KIF26B: variants seen among roughly 807,000 people sequenced by gnomAD.
KIF26B encodes kinesin family member 26B, also known as kinesin-like protein KIF26B.
In KIF26B, 63 loss-of-function variants were observed where a neutral mutation model predicts 151.2. That is an observed-to-expected ratio of 0.42 (90% CI 0.34 to 0.51). KIF26B has a LOEUF of 0.51. Ranked by LOEUF, KIF26B falls within the 20% of genes least tolerant of loss-of-function variation. The pLI, the probability that KIF26B is intolerant of heterozygous loss-of-function variation, is 0.07. For synonymous variants in KIF26B, 1,357 were observed against 1,262.1 expected (o/e 1.08, Z -1.59); for missense variants, 2,813 against 2,913.6 (o/e 0.97, Z 0.79).
chr1:245,430,801 G>C (rs1160835226), intron 4 of KIF26B, among the ~76,000 whole-genome samples: 1 of 152,096 alleles, frequency 6.6e-6, no homozygotes, highest in Admixed American at 6.5e-5. Flanking sequence ...CCATTGTTTA[G>C]ACGTGGAAAC....
rs191511982 is a variant in KIF26B, at chr1:245,247,412, C to T, written c.465+90729C>T. Among the ~76,000 whole-genome samples, 232 of 152,180 alleles carry T rather than the reference C, an allele frequency of 1.5e-3. 2 individuals are homozygous for T. Among genetic ancestry groups the T allele is most frequent in the Middle Eastern group, 3.4e-3 (1 of 294 alleles). On this transcript the variant is annotated intron_variant, in intron 2 of 14. Transcript: ENST00000407071. ...AGGGAAGGTGGCAATCAGCCGAGAT[C>T]CTGCCAATGTACCCCAGCCTGGGCG...
intron 2 of KIF26B, among the ~76,000 whole-genome samples, chr1:245,217,959 G>A (rs188673262): frequency 2.6e-5 from 4 of 152,294 alleles, no homozygotes; most frequent in East Asian, 3.9e-4. Flanking sequence ...GAATAAATGA[G>A]CTGCCTGAGA....
At chr1:245,654,147 T>C (rs572293375) in intron 10 of KIF26B, among the ~76,000 whole-genome samples, 81 of 152,320 alleles carry the variant, frequency 5.3e-4, no homozygotes, top group African/African-American at 1.8e-3. Flanking sequence ...TCTCCTGGTC[T>C]CACCTGTTTC....
intron 4 of KIF26B, among the ~76,000 whole-genome samples, chr1:245,500,289 T>TTAGCAAG (rs1660595835): frequency 6.6e-6 from 1 of 152,224 alleles, no homozygotes; most frequent in Non-Finnish European, 1.5e-5. Context: ...GTCTTTGGCT[T>TTAGCAAG]TAGCAAGTGA....
chr1:245,424,022 G>A (rs1174240247), intron 4 of KIF26B, among the ~76,000 whole-genome samples: 1 of 151,898 alleles, frequency 6.6e-6, no homozygotes, highest in African/African-American at 2.4e-5. Flanking sequence ...TTTATTTTTT[G>A]AAGAGATGAG....
At chr1:245,464,040 A>G (rs1056399323) in intron 4 of KIF26B, among the ~76,000 whole-genome samples, 1 of 152,314 alleles carries the variant, frequency 6.6e-6, no homozygotes, top group South Asian at 2.1e-4. Context: ...CTTTGCCCAC[A>G]TTTAATCATG....
intron 4 of KIF26B, among the ~76,000 whole-genome samples, chr1:245,464,575 G>T (rs1279593392): frequency 6.8e-6 from 1 of 146,166 alleles, no homozygotes; most frequent in Non-Finnish European, 1.5e-5. Context: ...GTGTGTGGGT[G>T]TGTGTGCACG....
chr1:245,262,934 C>T (rs1401864235), intron 2 of KIF26B, among the ~76,000 whole-genome samples: 3 of 152,204 alleles, frequency 2.0e-5, no homozygotes, highest in African/African-American at 7.2e-5. Context: ...ACTTCATCCC[C>T]ATTAGTTCAT....
In KIF26B at chr1:245,156,659, C is replaced by T. The variant is rs1268035438; in HGVS notation, c.441C>T (p.Leu147=). 6 of 1,503,836 alleles carry T rather than the reference C, an allele frequency of 4.0e-6. No homozygotes were observed. Among genetic ancestry groups the T allele is most frequent in the Middle Eastern group, 4.7e-4 (2 of 4,268 alleles). The allele number at this position is 1,503,836 out of a possible 1,614,324, so 93.2% of individuals were successfully genotyped here. The part of the protein sequence containing the change: ...VELKRQALRL[L]LPGPFPGKDP... ...TCAAGAGGCAGGCCCTGAGGTTGCT[C>T]CTCCCGGGGCCCTTCCCGGGCAAGG... Residue 147 remains leucine, a synonymous_variant, in exon 2 of 15, where the codon CTC becomes CTT. Transcript: ENST00000407071.
intron 2 of KIF26B, among the ~76,000 whole-genome samples, chr1:245,345,999 C>A (rs1355391793): frequency 6.8e-6 from 1 of 146,002 alleles, no homozygotes; most frequent in East Asian, 2.0e-4. Flanking sequence ...GTGGCATGAT[C>A]TCGGCTCACT....
At chr1:245,665,488 C>A (rs74868017) in intron 10 of KIF26B, among the ~76,000 whole-genome samples, 7,388 of 152,216 alleles carry the variant, frequency 0.049, 553 homozygotes, top group African/African-American at 0.16. Context: ...ACCGCACACT[C>A]TACTGATGAA....
At position 245,356,890 on chromosome 1, in the gene KIF26B, G is replaced by C. The variant is rs28635400; in HGVS notation, c.466-9944G>C. Among the ~76,000 whole-genome samples, 5 of 152,326 alleles carry C rather than the reference G, an allele frequency of 3.3e-5. No individual in the cohort carries two copies. In the East Asian group the frequency reaches 9.6e-4, roughly 29 times the overall value. On this transcript the variant is annotated intron_variant, in intron 2 of 14. Coordinates refer to ENST00000407071, the MANE Select transcript of KIF26B (RefSeq NM_018012.4). The stretch of plus-strand genomic sequence containing the variant: ...GTTTGCAGTATCACTAGATGATCCA[G>C]GAAGGCCTCGTTGAAAAGGTGATCC...
chr1:245,367,575 C>T lies in KIF26B; in HGVS notation c.999+208C>T, dbSNP rs895403066. Among the ~76,000 whole-genome samples the T allele has an allele frequency of 2.0e-5, 3 of 152,248 alleles. No homozygotes were observed. The highest frequency in any genetic ancestry group is 7.2e-5 in the African/African-American group (3 of 41,474). The stretch of plus-strand genomic sequence containing the variant: ...GTTGCTACATCTTCCAAACTTTCCA[C>T]ACCTGCCCTTTCTCTGCTCTTCAGT... On this transcript the variant is annotated intron_variant, in intron 3 of 14. Transcript: ENST00000407071. The surrounding 1 kb of genome is among the most constrained non-coding windows in gnomAD (Gnocchi z 4.2).
At chr1:245,440,996 G>A (rs1352706455) in intron 4 of KIF26B, among the ~76,000 whole-genome samples, 1 of 152,238 alleles carries the variant, frequency 6.6e-6, no homozygotes, top group Non-Finnish European at 1.5e-5. Flanking sequence ...ATGCCTGAAA[G>A]GAGGCAAGAC....
intron 2 of KIF26B, among the ~76,000 whole-genome samples, chr1:245,196,803 C>G (rs76513465): frequency 0.031 from 4,714 of 151,924 alleles, 258 homozygotes; most frequent in African/African-American, 0.11. Flanking sequence ...AAATGATTGC[C>G]GGTCACCTCA....
At position 245,516,626 on chromosome 1, in the gene KIF26B, T is replaced by TG. The variant is rs1250613248; in HGVS notation, c.1167-24136dup. Among the ~76,000 whole-genome samples the TG allele has an allele frequency of 1.3e-5, 2 of 152,010 alleles. No homozygotes were observed. The highest frequency in any genetic ancestry group is 4.8e-5 in the African/African-American group (2 of 41,376). ...AAATGAACCACCTGCTGTGTCTTGG[T>TG]GGGGGTGGAGATGTGGGGTGAAGTA... On this transcript the variant is annotated intron_variant, in intron 4 of 14. Coordinates refer to ENST00000407071, the MANE Select transcript of KIF26B (RefSeq NM_018012.4). This position sits in a 1 kb window ranked among gnomAD's most constrained non-coding sequence, Gnocchi z 4.2.
intron 4 of KIF26B, among the ~76,000 whole-genome samples, chr1:245,459,909 T>A (rs554665133): frequency 6.8e-6 from 1 of 147,974 alleles, no homozygotes; most frequent in African/African-American, 2.4e-5. Flanking sequence ...TTTTTTTTTT[T>A]CCCTGCCTGC....
chr1:245,160,829 G>A (rs1051207536), intron 2 of KIF26B, among the ~76,000 whole-genome samples: 3 of 152,102 alleles, frequency 2.0e-5, no homozygotes, highest in African/African-American at 4.8e-5. Flanking sequence ...AACGCCAAAC[G>A]TGGACTCTAA....
In KIF26B at chr1:245,366,894, G is replaced by T. The variant is rs1168133091; in HGVS notation, c.526G>T (p.Ala176Ser). 1.2e-6 allele frequency: 2 copies of T among 1,614,038 alleles called. No individual in the cohort carries two copies. The highest frequency in any genetic ancestry group is 2.2e-5 in the East Asian group (1 of 44,884). ...CCAGGTCCCCAACACCATCCGGAAG[G>T]CATGGAACGACCGGGACAACCGCTG... ...KLQVPNTIRK[A>S]WNDRDNRCDI... Residue 176 changes from alanine to serine, a missense_variant, in exon 3 of 15, where the codon GCA becomes TCA. By Grantham distance (99) the Ala-to-Ser change is moderately conservative. Around this residue, in one of 3 missense-constraint regions of KIF26B, gnomAD observed 676 missense variants for 688.1 expected, o/e 0.98. Transcript: ENST00000407071.
Sources: gnomAD v4.1 joint callset for allele counts (sites outside exome capture counted in the v4.1 genomes callset) on GRCh38, gnomAD v4.1.1 for gene constraint, gnomAD v4.1.1 regional missense constraint, Gnocchi (gnomAD v3.1) non-coding constraint, MANE v1.5 for transcripts, NCBI Gene and HGNC (gene_info 2026-07-23, HGNC 2026-07-21) for gene names.